ZNF106: variants seen among roughly 807,000 people sequenced by gnomAD.
ZNF106 encodes zinc finger protein 106.
In ZNF106, 67 loss-of-function variants were observed where a neutral mutation model predicts 195.1. The observed-to-expected ratio is 0.34, with a 90% CI of 0.28 to 0.42. ZNF106 has a LOEUF of 0.42. Ranked by LOEUF, ZNF106 falls within the 10% of genes least tolerant of loss-of-function variation. ZNF106 has a pLI of 1.00. For synonymous variants in ZNF106, 784 were observed against 818.6 expected (o/e 0.96, Z 0.72); for missense variants, 2,118 against 2,304.5 (o/e 0.92, Z 1.66).
chr15:42,480,578 T>C (rs944595941), intron 1 of ZNF106, among the ~76,000 whole-genome samples: 4 of 152,218 alleles, frequency 2.6e-5, no homozygotes, highest in African/African-American at 9.6e-5. Context: ...CACTTTAATT[T>C]TTCTACTAGT....
At chr15:42,423,968 G>A (rs201880789) in intron 17 of ZNF106, 30 bp downstream of exon 17, 11 of 1,577,712 alleles carry the variant, frequency 7.0e-6, no homozygotes. Flanking sequence ...TTTATTCACA[G>A]TTTCTTTACA....
chr15:42,470,282 T>G (rs1480113698), intron 2 of ZNF106, among the ~76,000 whole-genome samples: 1 of 152,156 alleles, frequency 6.6e-6, no homozygotes, highest in Non-Finnish European at 1.5e-5. Context: ...CTCCATAGTT[T>G]ATTTGGAGAA....
In ZNF106 at chr15:42,457,320, G is replaced by GTTTA. The variant is rs1370196504; in HGVS notation, c.117-166_117-163dup. On this transcript the variant is annotated intron_variant, in intron 3 of 21. Transcript: ENST00000564754. ...TCCTTTCATCACTTTTAATAAGTTT[G>GTTTA]TTTATAAGTTACTTTTGAAATGATT... is the stretch of plus-strand genomic sequence containing the variant. 2.7e-6 allele frequency: 4 copies of GTTTA among 1,482,050 alleles called. No homozygotes were observed. The Admixed American group carries it at 1.0e-4, about 38-fold the overall frequency. The allele number at this position is 1,482,050 out of a possible 1,614,324, so 91.8% of individuals were successfully genotyped here. A position where few individuals can be genotyped will look rare whatever the true frequency, so the allele number is the denominator to read the frequency against.
intron 3 of ZNF106, among the ~76,000 whole-genome samples, chr15:42,459,091 C>G (rs891671721): frequency 1.3e-4 from 20 of 152,022 alleles, no homozygotes; most frequent in Non-Finnish European, 2.8e-4. Flanking sequence ...ACCTGATTAC[C>G]CAGAATATCA....
At chr15:42,445,058 T>C in intron 7 of ZNF106, 77 bp from the exon 8 acceptor site, 2 of 1,517,990 alleles carry the variant, frequency 1.3e-6, no homozygotes, top group Non-Finnish European at 1.8e-6. Context: ...GACTAAACTA[T>C]ACCCATTATT....
chr15:42,415,084 A>G lies in ZNF106; in HGVS notation c.*2220T>C. ...TCAAGAGCTTGTGGGGCCATATATTATCTAGTACTAGGCCATTCATTATCT... is the reference window on the plus strand; with the variant it reads ...TCAAGAGCTTGTGGGGCCATATATTGTCTAGTACTAGGCCATTCATTATCT... On this transcript the variant is annotated 3_prime_UTR_variant, in exon 22 of 22. Transcript: ENST00000564754. The G allele has an allele frequency of 6.1e-6, 1 of 163,530 alleles. No individual in the cohort carries two copies. The highest frequency in any genetic ancestry group is 1.5e-4 in the South Asian group (1 of 6,546). 10.1% of individuals were successfully genotyped at this position (163,530 alleles called of 1,614,324 possible). A position where few individuals can be genotyped will look rare whatever the true frequency, so the allele number is the denominator to read the frequency against.
At chr15:42,456,824 A>T in intron 4 of ZNF106, 134 bp downstream of exon 4, 1 of 793,172 alleles carries the variant, frequency 1.3e-6, no homozygotes, top group Non-Finnish European at 2.0e-6. Context: ...CCCTTTGATT[A>T]GTAAGACAAC....
At chr15:42,452,069 C>T (rs567994609) in intron 4 of ZNF106, 115 bp from the exon 5 acceptor site, 30 of 1,178,374 alleles carry the variant, frequency 2.5e-5, no homozygotes, top group Non-Finnish European at 2.5e-5. Flanking sequence ...AATATGTAAC[C>T]GAGTCTGGTT....
intron 9 of ZNF106, among the ~76,000 whole-genome samples, chr15:42,442,916 T>C (rs752736812): frequency 3.3e-5 from 5 of 152,136 alleles, no homozygotes; most frequent in Non-Finnish European, 7.4e-5. Context: ...CCTGAGTAGC[T>C]GGGATTACAG....
intron 2 of ZNF106, 49 bp downstream of exon 2, chr15:42,472,187 C>G: frequency 6.7e-7 from 1 of 1,492,816 alleles, no homozygotes; most frequent in East Asian, 2.5e-5. Context: ...TAACATGTCT[C>G]TTTAAAAAAT....
rs1156980097 is a variant in ZNF106 at position 42,415,521 on chromosome 15, G to A, written c.*1783C>T. 2 of 454,898 alleles carry A rather than the reference G, an allele frequency of 4.4e-6. No homozygotes were observed. The highest frequency in any genetic ancestry group is 4.0e-5 in the African/African-American group (2 of 49,922). The allele number at this position is 454,898 out of a possible 1,614,324, so 28.2% of individuals were successfully genotyped here. ...CTCAGTCTCACACACAATTTCTGGG[G>A]GCTCACAGACCCTCTTGAAGCCTAT... On this transcript the variant is annotated 3_prime_UTR_variant, in exon 22 of 22. Transcript: ENST00000564754.
intron 4 of ZNF106, among the ~76,000 whole-genome samples, chr15:42,454,198 G>A (rs186206505): frequency 5.5e-4 from 84 of 152,124 alleles, no homozygotes; most frequent in African/African-American, 1.8e-3. Flanking sequence ...TTCACAAGAC[G>A]GAATTTAAAA....
intron 1 of ZNF106, among the ~76,000 whole-genome samples, chr15:42,480,269 T>C (rs1003317158): frequency 2.6e-5 from 4 of 152,234 alleles, no homozygotes; most frequent in African/African-American, 9.6e-5. Flanking sequence ...CTGTTACATC[T>C]TTCTCATGAA....
intron 2 of ZNF106, among the ~76,000 whole-genome samples, chr15:42,471,878 T>G (rs1253645317): frequency 1.3e-5 from 2 of 152,208 alleles, no homozygotes; most frequent in East Asian, 3.8e-4. Flanking sequence ...CCTTAGCTAA[T>G]CAAAAAGTAC....
intron 17 of ZNF106, among the ~76,000 whole-genome samples, chr15:42,423,300 G>A (rs2054735322): frequency 6.6e-6 from 1 of 151,882 alleles, no homozygotes; most frequent in Non-Finnish European, 1.5e-5. Flanking sequence ...AGCCTAGGAG[G>A]TTGAGGCTGC....
In ZNF106 at chr15:42,444,196, G is replaced by T; in HGVS notation, c.3421+6C>A. ...GGGCCCAATCCATCAGATGCCCTCT[G>T]AATACCTTGTAATCCCTGTAGAATC... On this transcript the variant is annotated splice_donor_region_variant and intron_variant, in intron 9 of 21. Transcript: ENST00000564754. 1 of 1,593,800 alleles carries T rather than the reference G, an allele frequency of 6.3e-7. No homozygotes were observed. The highest frequency in any genetic ancestry group is 1.4e-5 in the African/African-American group (1 of 73,736).
At chr15:42,435,620 G>A in intron 13 of ZNF106, 102 bp from the exon 14 acceptor site, 3 of 1,397,994 alleles carry the variant, frequency 2.1e-6, no homozygotes, top group African/African-American at 1.4e-5. Context: ...GTTCACTGCT[G>A]TATCCTCATG....
intron 1 of ZNF106, among the ~76,000 whole-genome samples, chr15:42,484,970 C>A (rs1367032330): frequency 6.6e-6 from 1 of 152,064 alleles, no homozygotes; most frequent in Non-Finnish European, 1.5e-5. Context: ...ACCAGTCTGG[C>A]CAACATGGCA....
intron 3 of ZNF106, chr15:42,457,372 G>A: frequency 2.8e-6 from 4 of 1,413,426 alleles, no homozygotes; most frequent in East Asian, 5.1e-5. Flanking sequence ...GCAATCAAGA[G>A]GCAATAGACT....
Sources: allele counts gnomAD v4.1 joint callset (sites outside exome capture counted in the v4.1 genomes callset), GRCh38; gene constraint gnomAD v4.1.1; transcripts MANE v1.5; gene names NCBI Gene and HGNC (gene_info 2026-07-23, HGNC 2026-07-21).